The following CLVS1 variants were observed in gnomAD, a reference collection of about 807,000 sequenced individuals.
CLVS1 encodes the protein clavesin-1.
A neutral mutation model predicts 33.1 loss-of-function variants in CLVS1; 10 were observed. The observed-to-expected ratio is 0.30, with a 90% CI of 0.19 to 0.51. The LOEUF (loss-of-function observed/expected upper bound fraction) is 0.51, where lower values mean the gene tolerates loss of function less well. Among genes scored for constraint, CLVS1 ranks in the 20% least tolerant of loss-of-function variants. The probability of loss-of-function intolerance (pLI) is 0.97; values close to 1 mark genes in which losing one functional copy is unlikely to be tolerated. For synonymous variants in CLVS1, 163 were observed against 166.1 expected (o/e 0.98, Z 0.14); for missense variants, 343 against 433.4 (o/e 0.79, Z 1.85).
intron 2 of CLVS1, among the ~76,000 whole-genome samples, chr8:61,237,186 T>C (rs146257682): frequency 2.7e-4 from 41 of 152,336 alleles, no homozygotes; most frequent in Admixed American, 5.2e-4. Context: ...GGATGACTCC[T>C]ATTTTCAGCA....
intron 2 of CLVS1, among the ~76,000 whole-genome samples, chr8:61,273,108 C>G (rs1370038071): frequency 6.7e-6 from 1 of 150,232 alleles, no homozygotes; most frequent in East Asian, 1.9e-4. Context: ...TGTTTTTTCC[C>G]CATCTTTGTG....
At chr8:61,364,479 G>A (rs959252913) in intron 2 of CLVS1, among the ~76,000 whole-genome samples, 5 of 152,162 alleles carry the variant, frequency 3.3e-5, no homozygotes, top group African/African-American at 1.2e-4. Flanking sequence ...TACCTATAAA[G>A]ATAAGACTTT....
intron 1 of CLVS1, among the ~76,000 whole-genome samples, chr8:61,068,227 GTGTATA>G (rs1446858438): frequency 6.8e-5 from 6 of 88,302 alleles, no homozygotes; most frequent in East Asian, 1.4e-3. Flanking sequence ...ATGTATGTAT[GTGTATA>G]TATATATATA....
chr8:61,063,268 A>G (rs1298077049), intron 1 of CLVS1, among the ~76,000 whole-genome samples: 1 of 127,044 alleles, frequency 7.9e-6, no homozygotes, highest in African/African-American at 4.2e-5. Context: ...AGCGAGAGAG[A>G]GAGAGAGAGA....
intron 2 of CLVS1, among the ~76,000 whole-genome samples, chr8:61,218,383 A>C (rs1381425439): frequency 7.9e-5 from 12 of 152,196 alleles, no homozygotes; most frequent in Admixed American, 7.9e-4. Flanking sequence ...GATTATGTTA[A>C]GTGAAATAAG....
chr8:60,988,444 A>G, the CLVS1 span, among the ~76,000 whole-genome samples: 1 of 152,124 alleles, frequency 6.6e-6, no homozygotes, highest in Admixed American at 6.6e-5. Flanking sequence ...TCATTAGGAC[A>G]TATGACCTGT....
intron 2 of CLVS1, among the ~76,000 whole-genome samples, chr8:61,252,785 C>T (rs1272711313): frequency 6.6e-6 from 1 of 152,124 alleles, no homozygotes; most frequent in Non-Finnish European, 1.5e-5. Context: ...AATATTTCTC[C>T]ATCCCTTTAT....
intron 2 of CLVS1, among the ~76,000 whole-genome samples, chr8:61,210,259 C>T (rs1350077952): frequency 2.0e-5 from 3 of 152,178 alleles, no homozygotes; most frequent in African/African-American, 7.2e-5. Flanking sequence ...GGAGTACTCT[C>T]CTATTTCTCC....
chr8:61,460,971 C>A (rs1040717776), intron 5 of CLVS1, among the ~76,000 whole-genome samples: 4 of 152,196 alleles, frequency 2.6e-5, no homozygotes, highest in Non-Finnish European at 4.4e-5. Context: ...CTTGTCTGTT[C>A]CTGATTTGAG....
At chr8:61,032,852 C>A in the CLVS1 span, among the ~76,000 whole-genome samples, 1 of 151,694 alleles carries the variant, frequency 6.6e-6, no homozygotes, top group Non-Finnish European at 1.5e-5. Context: ...GGAAGTATTG[C>A]CAAGCTATGC....
chr8:61,378,776 T>C (rs1482504109), intron 3 of CLVS1, among the ~76,000 whole-genome samples: 1 of 152,226 alleles, frequency 6.6e-6, no homozygotes, highest in Non-Finnish European at 1.5e-5. Flanking sequence ...AACTTCTCAC[T>C]TCAGGCTATC....
intron 2 of CLVS1, among the ~76,000 whole-genome samples, chr8:61,216,780 T>A (rs1808099233): frequency 6.6e-6 from 1 of 152,198 alleles, no homozygotes; most frequent in Non-Finnish European, 1.5e-5. Flanking sequence ...TAAACATTAG[T>A]TTGGATCCCG....
intron 2 of CLVS1, among the ~76,000 whole-genome samples, chr8:61,343,359 A>G (rs1412823406): frequency 6.6e-6 from 1 of 152,226 alleles, no homozygotes; most frequent in African/African-American, 2.4e-5. Flanking sequence ...ATCCACCTTT[A>G]GAACAAGTCT....
At chr8:61,339,600 C>G (rs547549963) in intron 2 of CLVS1, among the ~76,000 whole-genome samples, 1 of 152,042 alleles carries the variant, frequency 6.6e-6, no homozygotes, top group Admixed American at 6.5e-5. Context: ...TTGAGAGGTA[C>G]TCTACCAAAT....
rs772392370 is a variant in CLVS1, at chr8:61,497,214, T to TAA, written c.978-2240_978-2239dup. On this transcript the variant is annotated intron_variant, in intron 5 of 5. Transcript: ENST00000325897. Reference sequence around the variant, plus strand: ...GACCCACAGGACACAGAAAAGTTGTTAAGACTGACAGTTGTGGTTTACTAC... The same window carrying TAA: ...GACCCACAGGACACAGAAAAGTTGTTAAAAGACTGACAGTTGTGGTTTACTAC... Among the ~76,000 whole-genome samples, 26 of 152,298 alleles carry TAA rather than the reference T, an allele frequency of 1.7e-4. No homozygotes were observed. In the East Asian group the frequency reaches 4.8e-3, roughly 28 times the overall value.
intron 3 of CLVS1, among the ~76,000 whole-genome samples, chr8:61,401,128 C>T (rs894028879): frequency 2.0e-5 from 3 of 150,776 alleles, no homozygotes; most frequent in Non-Finnish European, 4.4e-5. Context: ...ATATTTTATC[C>T]TGAAACTTTG....
chr8:61,217,161 C>T (rs951483799), intron 2 of CLVS1, among the ~76,000 whole-genome samples: 1 of 152,146 alleles, frequency 6.6e-6, no homozygotes, highest in Non-Finnish European at 1.5e-5. Flanking sequence ...TGATACATAG[C>T]ATCTCATAAC....
intron 2 of CLVS1, among the ~76,000 whole-genome samples, chr8:61,229,058 T>A (rs565473659): frequency 2.0e-5 from 3 of 152,174 alleles, no homozygotes; most frequent in African/African-American, 7.2e-5. Flanking sequence ...TCCCAACACT[T>A]ACCTTACATC....
At chr8:61,030,600 C>T in the CLVS1 span, among the ~76,000 whole-genome samples, 3 of 152,184 alleles carry the variant, frequency 2.0e-5, no homozygotes, top group Non-Finnish European at 4.4e-5. Context: ...CATTGTAACA[C>T]TGGGACAGGA....
Sources: allele counts gnomAD v4.1 joint callset (sites outside exome capture counted in the v4.1 genomes callset), GRCh38; gene constraint gnomAD v4.1.1; transcripts MANE v1.5; gene names NCBI Gene and HGNC (gene_info 2026-07-23, HGNC 2026-07-21).